Variants in PLCB1 observed in about 807,000 individuals in gnomAD.
The protein encoded by PLCB1 is 1-phosphatidylinositol 4,5-bisphosphate phosphodiesterase beta-1.
In PLCB1, 46 loss-of-function variants were observed where a neutral mutation model predicts 161.8. The ratio of observed to expected loss-of-function variants is 0.28; its 90% CI spans 0.22 to 0.36. The LOEUF is 0.36. Ranked by LOEUF, PLCB1 falls within the 10% of genes least tolerant of loss-of-function variation. The pLI, the probability that PLCB1 is intolerant of heterozygous loss-of-function variation, is 1.00. For missense variants in PLCB1, 1,016 were observed against 1,472.5 expected (o/e 0.69, Z 5.07); for synonymous variants, 517 against 503.7 (o/e 1.03, Z -0.35).
intron 3 of PLCB1, among the ~76,000 whole-genome samples, chr20:8,455,436 T>A: frequency 1.5e-5 from 1 of 68,856 alleles, no homozygotes; most frequent in East Asian, 2.8e-4. Context: ...CTTCCTCTTT[T>A]TTTTTTTTTT....
chr20:8,582,271 C>T (rs1986856789), intron 3 of PLCB1, among the ~76,000 whole-genome samples: 1 of 152,156 alleles, frequency 6.6e-6, no homozygotes, highest in South Asian at 2.1e-4. Flanking sequence ...CTCACAGGCA[C>T]CCCTTTTTCT....
intron 7 of PLCB1, among the ~76,000 whole-genome samples, chr20:8,651,200 A>G (rs1206280314): frequency 2.0e-5 from 3 of 152,220 alleles, no homozygotes; most frequent in African/African-American, 4.8e-5. Context: ...GAGCCCCTCA[A>G]AATGTGCCAG....
chr20:8,182,677 T>C (rs2051857252), intron 2 of PLCB1, among the ~76,000 whole-genome samples: 1 of 151,462 alleles, frequency 6.6e-6, no homozygotes, highest in South Asian at 2.1e-4. Flanking sequence ...GCCTCCCAAG[T>C]TCAAGCAATT....
chr20:8,765,488 G>T, intron 26 of PLCB1, 130 bp downstream of exon 26: 1 of 656,430 alleles, frequency 1.5e-6, no homozygotes, highest in Non-Finnish European at 2.6e-6. Flanking sequence ...GTTCTCCATA[G>T]CTTTTGTGGC....
At chr20:8,234,953 G>C (rs989545965) in intron 2 of PLCB1, among the ~76,000 whole-genome samples, 7 of 152,032 alleles carry the variant, frequency 4.6e-5, no homozygotes, top group Non-Finnish European at 7.4e-5. Context: ...AATCCAATTT[G>C]AGGGGTTCAG....
chr20:8,351,514 T>G (rs911227845), intron 2 of PLCB1, among the ~76,000 whole-genome samples: 1 of 151,976 alleles, frequency 6.6e-6, no homozygotes, highest in East Asian at 1.9e-4. Context: ...TTTAAAACTT[T>G]TGCTATGCAG....
chr20:8,201,255 A>G (rs12480099), intron 2 of PLCB1, among the ~76,000 whole-genome samples: 27,588 of 151,624 alleles, frequency 0.18, 2,679 homozygotes, highest in Admixed American at 0.25. Context: ...TTAAAAAAGG[A>G]CCCCCCTCCA....
chr20:8,249,469 T>C (rs1981038533), intron 2 of PLCB1: 1 of 152,020 alleles, frequency 6.6e-6, no homozygotes, highest in African/African-American at 2.4e-5. Flanking sequence ...CTGTCCATCA[T>C]TGGAAGTAAT....
chr20:8,560,306 C>A lies in PLCB1; in HGVS notation c.247-67988C>A, dbSNP rs923356390. ...ACATCACCTGTGAGCTTTAAGAATA[C>A]CAAGGCCTAGGTCTCATCTTCAGAC... On this transcript the variant is annotated intron_variant, in intron 3 of 31. Coordinates refer to ENST00000338037, the MANE Select transcript of PLCB1 (RefSeq NM_015192.4). Among the ~76,000 whole-genome samples the A allele has an allele frequency of 2.2e-4, 34 of 152,076 alleles. 1 individual carries two copies. Among genetic ancestry groups the A allele is most frequent in the African/African-American group, 7.7e-4 (32 of 41,520 alleles).
At chr20:8,872,681 A>G (rs1987646892) in intron 31 of PLCB1, among the ~76,000 whole-genome samples, 1 of 152,068 alleles carries the variant, frequency 6.6e-6, no homozygotes, top group African/African-American at 2.4e-5. Flanking sequence ...TGGAAACTGC[A>G]CTCATTCATG....
chr20:8,300,265 A>G (rs1045745580), intron 2 of PLCB1, among the ~76,000 whole-genome samples: 1 of 152,234 alleles, frequency 6.6e-6, no homozygotes, highest in Non-Finnish European at 1.5e-5. Flanking sequence ...GGTGTGTTAC[A>G]TCTTCTAATA....
chr20:8,178,324 GTT>G (rs1219099921), intron 2 of PLCB1, among the ~76,000 whole-genome samples: 1 of 151,834 alleles, frequency 6.6e-6, no homozygotes, highest in Non-Finnish European at 1.5e-5. Context: ...GTGTATAAGT[GTT>G]TTTTGATTTT....
At chr20:8,867,216 A>G (rs1987458779) in intron 31 of PLCB1, among the ~76,000 whole-genome samples, 1 of 152,112 alleles carries the variant, frequency 6.6e-6, no homozygotes, top group African/African-American at 2.4e-5. Context: ...TCTTAAAAGG[A>G]GTTATCATAA....
intron 31 of PLCB1, among the ~76,000 whole-genome samples, chr20:8,824,794 A>G (rs1264711594): frequency 6.6e-6 from 1 of 152,232 alleles, no homozygotes; most frequent in East Asian, 1.9e-4. Context: ...ATCCATAAAA[A>G]ATAATTGGGG....
chr20:8,213,682 T>C (rs2123148566), intron 2 of PLCB1, among the ~76,000 whole-genome samples: 1 of 151,990 alleles, frequency 6.6e-6, no homozygotes, highest in Admixed American at 6.6e-5. Context: ...GAAATGGTGG[T>C]GGTGGTGGTG....
intron 3 of PLCB1, among the ~76,000 whole-genome samples, chr20:8,395,377 A>T (rs1349132250): frequency 6.6e-6 from 1 of 152,052 alleles, no homozygotes; most frequent in Non-Finnish European, 1.5e-5. Context: ...TTACTTATGG[A>T]TACCAGATGA....
chr20:8,199,423 T>C (rs949423326), intron 2 of PLCB1, among the ~76,000 whole-genome samples: 1 of 152,174 alleles, frequency 6.6e-6, no homozygotes, highest in Non-Finnish European at 1.5e-5. Context: ...CAATTTCAAC[T>C]TCCACCATGA....
At chr20:8,195,539 C>A (rs1378190173) in intron 2 of PLCB1, among the ~76,000 whole-genome samples, 1 of 152,034 alleles carries the variant, frequency 6.6e-6, no homozygotes, top group Non-Finnish European at 1.5e-5. Context: ...TCTTACATGA[C>A]CATAGTCCAA....
At chr20:8,684,208 A>G (rs1234768410) in intron 9 of PLCB1, among the ~76,000 whole-genome samples, 1 of 150,336 alleles carries the variant, frequency 6.7e-6, no homozygotes, top group African/African-American at 2.5e-5. Flanking sequence ...ACATTATTTT[A>G]AATAATAAAA....
Sources: allele counts gnomAD v4.1 joint callset (sites outside exome capture counted in the v4.1 genomes callset), GRCh38; gene constraint gnomAD v4.1.1; transcripts MANE v1.5; gene names NCBI Gene and HGNC (gene_info 2026-07-23, HGNC 2026-07-21).